The following ATP1A3 variants were observed in gnomAD, a reference collection of about 807,000 sequenced individuals.
The protein encoded by ATP1A3 is sodium/potassium-transporting ATPase subunit alpha-3.
ATP1A3 carries 12 observed loss-of-function variants against 108.8 expected under a neutral mutation model. That is an observed-to-expected ratio of 0.11 (90% CI 0.07 to 0.18). The LOEUF (loss-of-function observed/expected upper bound fraction) is 0.18, where lower values mean the gene tolerates loss of function less well. ATP1A3 is among the 10% of genes least tolerant of loss of function. The pLI is 1.00. For synonymous variants in ATP1A3, 539 were observed against 564.5 expected (o/e 0.95, Z 0.64); for missense variants, 498 against 1,387.7 (o/e 0.36, Z 10.19).
intron 11 of ATP1A3, among the ~76,000 whole-genome samples, chr19:41,979,499 C>T (rs1361131701): frequency 6.6e-6 from 1 of 151,918 alleles, no homozygotes; most frequent in African/African-American, 2.4e-5. Flanking sequence ...TAGAGACATG[C>T]TCTCCCTATG....
intron 16 of ATP1A3, among the ~76,000 whole-genome samples, chr19:41,970,923 C>G (rs145441061): frequency 2.0e-5 from 3 of 151,780 alleles, no homozygotes; most frequent in Non-Finnish European, 2.9e-5. Flanking sequence ...TGAGCCACCG[C>G]GCCCGGCCTG....
chr19:41,969,701 A>T (rs1555859352), intron 18 of ATP1A3, 121 bp from the exon 19 acceptor site: 7 of 1,384,914 alleles, frequency 5.1e-6, no homozygotes, highest in Admixed American at 3.6e-5. Context: ...TGGCCCTGTT[A>T]TCTGGACATT....
At chr19:41,977,802 C>A (rs899918698) in intron 14 of ATP1A3, 134 bp downstream of exon 14, 4 of 1,367,726 alleles carry the variant, frequency 2.9e-6, no homozygotes, top group Admixed American at 2.3e-5. Context: ...GAGGGCCAGA[C>A]CCAGGGCCTG....
chr19:41,977,202 C>T (rs2075180446), intron 14 of ATP1A3, among the ~76,000 whole-genome samples: 1 of 151,766 alleles, frequency 6.6e-6, no homozygotes, highest in South Asian at 2.1e-4. Flanking sequence ...TTGAAGAAGT[C>T]AGAAAAACAG....
intron 8 of ATP1A3, 47 bp from the exon 9 acceptor site, chr19:41,982,153 G>T (rs1555863779): frequency 6.2e-7 from 1 of 1,613,222 alleles, no homozygotes. Context: ...AAGCCCGGCA[G>T]CAGGGTTGGA....
Position 41,968,678 on chromosome 19 carries a change from C to G in ATP1A3, c.2819+107G>C. On this transcript the variant is annotated intron_variant, in intron 20 of 22. Coordinates refer to ENST00000648268, the MANE Select transcript of ATP1A3 (RefSeq NM_152296.5). The surrounding 1 kb of genome is among the most constrained non-coding windows in gnomAD (Gnocchi z 5.0). ...GTGACAGAGTGAGACCCTGCCTCAA[C>G]AAAACAACAAAAAACCAAAGCAAGG... 1.3e-6 allele frequency: 2 copies of G among 1,558,938 alleles called. No homozygotes were observed. Among genetic ancestry groups the G allele is most frequent in the Non-Finnish European group, 1.7e-6 (2 of 1,147,572 alleles).
At chr19:41,975,597 C>G in intron 16 of ATP1A3, 32 bp downstream of exon 16, 1 of 1,613,468 alleles carries the variant, frequency 6.2e-7, no homozygotes. Context: ...GGTAGTGACC[C>G]TGGTCTCCAG....
chr19:41,985,879 TGAG>T lies in ATP1A3; in HGVS notation c.588_590del (p.Ser197del). On this transcript the variant is annotated inframe_deletion, in exon 6 of 23. Transcript: ENST00000648268. The surrounding 1 kb of genome is among the most constrained non-coding windows in gnomAD (Gnocchi z 8.2). ...CCAGGCCCACCTTGCAGCCGTGGGC[TGAG>T]ATGATCCGCAGGTCAGCTGGCACTC... 1 of 1,614,064 alleles carries T rather than the reference TGAG, an allele frequency of 6.2e-7. No individual in the cohort carries two copies. Among genetic ancestry groups the T allele is most frequent in the Non-Finnish European group, 8.5e-7 (1 of 1,179,986 alleles).
intron 16 of ATP1A3, among the ~76,000 whole-genome samples, chr19:41,972,464 G>A (rs2075119807): frequency 6.6e-6 from 1 of 151,044 alleles, no homozygotes; most frequent in East Asian, 2.0e-4. Context: ...TGAACAATGA[G>A]GTCAATCATT....
In ATP1A3 at chr19:41,981,759, A is replaced by G. The variant is rs781980770; in HGVS notation, c.1265T>C (p.Val422Ala). 6 of 1,614,200 alleles carry G rather than the reference A, an allele frequency of 3.7e-6. No individual in the cohort carries two copies. The change falls in exon 10 of 23, where the codon GTC becomes GCC. Residue 422 changes from valine (V) to alanine (A), a missense_variant. Physicochemically the swap from Val to Ala is moderately conservative, Grantham distance 64 (BLOSUM62 0). Coordinates refer to ENST00000648268, the MANE Select transcript of ATP1A3 (RefSeq NM_152296.5). The surrounding 1 kb of genome is among the most constrained non-coding windows in gnomAD (Gnocchi z 5.0). ...GATGTTGTCCTGACCACCCTTGAAG[A>G]CAGCGCGATTGCAGAGCCCAGCGAT... ...SHIAGLCNRAVFKGGQDNIPV... is the reference protein window; with the variant it reads ...SHIAGLCNRAAFKGGQDNIPV...
intron 16 of ATP1A3, among the ~76,000 whole-genome samples, chr19:41,972,538 G>A (rs1457353018): frequency 6.6e-6 from 1 of 151,930 alleles, no homozygotes; most frequent in African/African-American, 2.4e-5. Context: ...AGGCTGAGGC[G>A]GGTGGATCAC....
chr19:41,973,933 C>T (rs1270921660), intron 16 of ATP1A3, among the ~76,000 whole-genome samples: 4 of 152,168 alleles, frequency 2.6e-5, no homozygotes, highest in Non-Finnish European at 5.9e-5. Flanking sequence ...TGCTTGAGCC[C>T]AGGAGTTGAA....
chr19:41,975,704 C>G lies in ATP1A3; in HGVS notation c.2188G>C (p.Asp730His). Reference protein sequence around the residue: ...IGVAMGIAGSDVSKQAADMIL... With the variant: ...IGVAMGIAGSHVSKQAADMIL... ...ATGTCAGCTGCCTGCTTGGAGACGT[C>G]AGAGCCAGCGATGCCCATGGCCACC... Residue 730 changes from aspartate to histidine, a missense_variant, in exon 16 of 23, where the codon GAC becomes CAC. Physicochemically the swap from Asp to His is moderately conservative, Grantham distance 81 (BLOSUM62 -1). Coordinates refer to ENST00000648268, the MANE Select transcript of ATP1A3 (RefSeq NM_152296.5). The G allele has an allele frequency of 6.2e-7, 1 of 1,614,138 alleles. No individual in the cohort carries two copies. Among genetic ancestry groups the G allele is most frequent in the Non-Finnish European group, 8.5e-7 (1 of 1,179,990 alleles).
intron 1 of ATP1A3, among the ~76,000 whole-genome samples, chr19:41,991,513 T>C (rs1436014467): frequency 1.3e-5 from 2 of 151,792 alleles, no homozygotes; most frequent in Non-Finnish European, 2.9e-5. Context: ...AGACCCAGGA[T>C]GGAGAGACAT....
Position 41,978,563 on chromosome 19 carries a change from C to T in ATP1A3, c.1630+43G>A. 1 of 1,608,228 alleles carries T rather than the reference C, an allele frequency of 6.2e-7. No homozygotes were observed. The highest frequency in any genetic ancestry group is 8.5e-7 in the Non-Finnish European group (1 of 1,179,442). On this transcript the variant is annotated intron_variant, in intron 12 of 22. Transcript: ENST00000648268. This position sits in a 1 kb window ranked among gnomAD's most constrained non-coding sequence, Gnocchi z 8.3. ...GGCTTTGGGCAGCATCACAACCCTC[C>T]TTGCCCTCCAGGGACCCCAGAGCCC...
chr19:41,979,584 G>C (rs1192258845), intron 11 of ATP1A3, among the ~76,000 whole-genome samples: 4 of 151,854 alleles, frequency 2.6e-5, no homozygotes. Flanking sequence ...TGGGATTACA[G>C]GCGTGAGCCA....
chr19:41,985,151 G>A lies in ATP1A3; in HGVS notation c.760C>T (p.Arg254Cys), dbSNP rs782783739. 1.4e-5 allele frequency: 23 copies of A among 1,613,256 alleles called. No homozygotes were observed. Among genetic ancestry groups the A allele is most frequent in the East Asian group, 2.2e-5 (1 of 44,880 alleles). ...GTGGCGATACGGCCCATGACAGTGC[G>A]GTCGCCCGTGGCCACCACCACGCCC... Reference protein sequence around the residue: ...ARGVVVATGDRTVMGRIATLA... With the variant: ...ARGVVVATGDCTVMGRIATLA... Residue 254 changes from arginine (R) to cysteine (C), a missense_variant, in exon 8 of 23, where the codon CGC (arginine) becomes TGC (cysteine). Coordinates refer to ENST00000648268, the MANE Select transcript of ATP1A3 (RefSeq NM_152296.5). The surrounding 1 kb of genome is among the most constrained non-coding windows in gnomAD (Gnocchi z 8.2).
chr19:41,969,396 C>G (rs782370666), intron 19 of ATP1A3, 39 bp downstream of exon 19: 25 of 1,614,062 alleles, frequency 1.5e-5, no homozygotes, highest in Middle Eastern at 1.7e-4. Context: ...CCCCGGGGAT[C>G]TTACGGTGGG....
Position 41,981,397 on chromosome 19 carries a change from C to T in ATP1A3, c.1437+105G>A. On this transcript the variant is annotated intron_variant, in intron 11 of 22. Coordinates refer to ENST00000648268, the MANE Select transcript of ATP1A3 (RefSeq NM_152296.5). The surrounding 1 kb of genome is among the most constrained non-coding windows in gnomAD (Gnocchi z 5.0). ...CCTCTCCCCACCAGGCGGGTATTAT[C>T]ATTCCCATTTTACAGACGGGAAAAT... 6.5e-7 allele frequency: 1 copy of T among 1,548,738 alleles called. No individual in the cohort carries two copies. The highest frequency in any genetic ancestry group is 8.9e-7 in the Non-Finnish European group (1 of 1,124,000).
Sources: allele counts gnomAD v4.1 joint callset (sites outside exome capture counted in the v4.1 genomes callset), GRCh38; gene constraint gnomAD v4.1.1; non-coding constraint Gnocchi (gnomAD v3.1); transcripts MANE v1.5; gene names NCBI Gene and HGNC (gene_info 2026-07-23, HGNC 2026-07-21).